Variants in PLXDC2 observed in about 807,000 individuals in gnomAD.
PLXDC2 encodes the protein plexin domain-containing protein 2.
A neutral mutation model predicts 68.9 loss-of-function variants in PLXDC2; 40 were observed. That is an observed-to-expected ratio of 0.58 (90% CI 0.45 to 0.76). The LOEUF (loss-of-function observed/expected upper bound fraction) is 0.76. Ranked by LOEUF, PLXDC2 falls within the 30% of genes least tolerant of loss-of-function variation. PLXDC2 has a pLI of 0.00. For missense variants in PLXDC2, 644 were observed against 661.9 expected (o/e 0.97, Z 0.30); for synonymous variants, 243 against 234.2 (o/e 1.04, Z -0.34).
intron 1 of PLXDC2, among the ~76,000 whole-genome samples, chr10:19,881,300 G>C (rs1837723189): frequency 6.6e-6 from 1 of 151,944 alleles, no homozygotes; most frequent in Non-Finnish European, 1.5e-5. Flanking sequence ...ATTTTTGGTA[G>C]ACACAGGGTT....
intron 1 of PLXDC2, among the ~76,000 whole-genome samples, chr10:19,970,846 G>T (rs1346582152): frequency 6.6e-6 from 1 of 152,136 alleles, no homozygotes; most frequent in East Asian, 1.9e-4. Context: ...GCCTGGTGTT[G>T]CACTGATGCC....
chr10:20,113,947 G>A (rs1294927385), intron 4 of PLXDC2, among the ~76,000 whole-genome samples: 2 of 152,074 alleles, frequency 1.3e-5, no homozygotes, highest in Non-Finnish European at 1.5e-5. Flanking sequence ...CCAACATGGT[G>A]AAACCCTGTC....
chr10:20,141,904 G>A (rs771268007), intron 4 of PLXDC2, among the ~76,000 whole-genome samples: 11 of 151,908 alleles, frequency 7.2e-5, no homozygotes, highest in Non-Finnish European at 1.3e-4. Context: ...AGTCACATAA[G>A]AAACAAAAAG....
chr10:19,848,149 T>C (rs1837044755), intron 1 of PLXDC2, among the ~76,000 whole-genome samples: 2 of 152,094 alleles, frequency 1.3e-5, no homozygotes, highest in Admixed American at 1.3e-4. Flanking sequence ...TTCTTTTTAA[T>C]TAAAAAAAAG....
chr10:20,172,704 G>A (rs1360044401), intron 7 of PLXDC2, among the ~76,000 whole-genome samples: 2 of 152,232 alleles, frequency 1.3e-5, no homozygotes, highest in Non-Finnish European at 2.9e-5. Flanking sequence ...GAAAGTATAC[G>A]TGAGAGAAAA....
intron 1 of PLXDC2, among the ~76,000 whole-genome samples, chr10:19,847,156 A>G (rs1015502654): frequency 6.6e-6 from 1 of 152,112 alleles, no homozygotes. Context: ...TCCCCCAAAA[A>G]AGAATTTATT....
intron 1 of PLXDC2, among the ~76,000 whole-genome samples, chr10:19,991,265 A>T: frequency 6.6e-6 from 1 of 150,514 alleles, no homozygotes; most frequent in Admixed American, 6.6e-5. Context: ...AAAAACAACA[A>T]CTGTGATTCA....
At chr10:20,080,111 A>C (rs1836525233) in intron 4 of PLXDC2, among the ~76,000 whole-genome samples, 1 of 152,224 alleles carries the variant, frequency 6.6e-6, no homozygotes, top group Admixed American at 6.5e-5. Flanking sequence ...TTTATTAAAA[A>C]GAAATTGCAG....
intron 1 of PLXDC2, among the ~76,000 whole-genome samples, chr10:19,975,192 C>T (rs1287976587): frequency 4.6e-5 from 7 of 152,120 alleles, no homozygotes; most frequent in African/African-American, 1.7e-4. Context: ...CAGTGGCTCA[C>T]GCCTGTAATC....
chr10:20,025,950 A>G (rs573341777), intron 2 of PLXDC2, among the ~76,000 whole-genome samples: 1 of 152,076 alleles, frequency 6.6e-6, no homozygotes, highest in Non-Finnish European at 1.5e-5. Flanking sequence ...CACATTACAG[A>G]TTAGTGAAAA....
chr10:20,014,098 A>C (rs72791830), intron 2 of PLXDC2, among the ~76,000 whole-genome samples: 5,987 of 152,332 alleles, frequency 0.039, 165 homozygotes, highest in Middle Eastern at 0.12. Flanking sequence ...CTATTCCTCA[A>C]AACTCTATGG....
At chr10:20,125,950 A>G (rs1454590753) in intron 4 of PLXDC2, among the ~76,000 whole-genome samples, 1 of 119,954 alleles carries the variant, frequency 8.3e-6, no homozygotes, top group Non-Finnish European at 1.8e-5. Flanking sequence ...ATATATATAT[A>G]TAATATTTAC....
chr10:19,969,287 A>G (rs1254830723), intron 1 of PLXDC2, among the ~76,000 whole-genome samples: 1 of 152,162 alleles, frequency 6.6e-6, no homozygotes, highest in South Asian at 2.1e-4. Context: ...AATCAAATAC[A>G]TATGTACTCG....
intron 1 of PLXDC2, among the ~76,000 whole-genome samples, chr10:19,858,729 G>T (rs1837262823): frequency 6.6e-6 from 1 of 152,052 alleles, no homozygotes; most frequent in African/African-American, 2.4e-5. Flanking sequence ...GTGGTCCAGT[G>T]GGCAGGAAGA....
intron 1 of PLXDC2, among the ~76,000 whole-genome samples, chr10:19,872,456 G>T (rs914102208): frequency 3.6e-4 from 55 of 152,286 alleles, no homozygotes; most frequent in Admixed American, 7.8e-4. Flanking sequence ...CAGCAGAGCT[G>T]GTGTCAGTCA....
intron 1 of PLXDC2, among the ~76,000 whole-genome samples, chr10:19,828,379 C>T (rs1287541514): frequency 3.3e-5 from 5 of 152,190 alleles, no homozygotes; most frequent in Admixed American, 6.5e-5. Context: ...ATTTAGACTA[C>T]AGGCATTTGC....
At chr10:20,120,217 G>T (rs1207674095) in intron 4 of PLXDC2, among the ~76,000 whole-genome samples, 1 of 152,188 alleles carries the variant, frequency 6.6e-6, no homozygotes, top group African/African-American at 2.4e-5. Context: ...TCTGGAATGA[G>T]ACTGGGGCCT....
chr10:19,899,811 A>G (rs997571703), intron 1 of PLXDC2, among the ~76,000 whole-genome samples: 7 of 152,138 alleles, frequency 4.6e-5, no homozygotes, highest in Non-Finnish European at 7.4e-5. Flanking sequence ...TTATGTGTTC[A>G]TGATATGAAA....
chr10:19,842,221 T>C (rs1024135190), intron 1 of PLXDC2, among the ~76,000 whole-genome samples: 1 of 152,178 alleles, frequency 6.6e-6, no homozygotes, highest in Non-Finnish European at 1.5e-5. Context: ...TACAGGTAGC[T>C]TCAGATCCCT....
Sources: gnomAD v4.1 joint callset for allele counts (sites outside exome capture counted in the v4.1 genomes callset) on GRCh38, gnomAD v4.1.1 for gene constraint, MANE v1.5 for transcripts, NCBI Gene and HGNC (gene_info 2026-07-23, HGNC 2026-07-21) for gene names.